Variants in MXD4 observed in about 807,000 individuals in gnomAD.
MXD4 encodes the protein Mad4 homolog.
In MXD4, 16 loss-of-function variants were observed where a neutral mutation model predicts 24.5. The observed-to-expected ratio is 0.65, with a 90% confidence interval of 0.44 to 0.99. The LOEUF is 0.99. Ranked by LOEUF, MXD4 falls within the 50% of genes least tolerant of loss-of-function variation. The pLI is 0.00. For synonymous variants in MXD4, 164 were observed against 134.2 expected (o/e 1.22, Z -1.54); for missense variants, 301 against 301.5 (o/e 1.00, Z 0.01).
chr4:2,260,510 C>T (rs1735518241), intron 2 of MXD4: 4 of 454,836 alleles, frequency 8.8e-6, no homozygotes, highest in South Asian at 4.7e-5. Context: ...GAGTTCTCCA[C>T]GGGTCAGGGA....
Position 2,261,795 on chromosome 4 carries a change from G to C in MXD4, c.94C>G (p.Pro32Ala). The C allele has an allele frequency of 7.0e-7, 1 of 1,425,734 alleles. No homozygotes were observed. Among genetic ancestry groups the C allele is most frequent in the Non-Finnish European group, 9.2e-7 (1 of 1,081,940 alleles). 88.3% of individuals were successfully genotyped at this position (1,425,734 alleles called of 1,614,324 possible). A position where few individuals can be genotyped will look rare whatever the true frequency, so the allele number is the denominator to read the frequency against. Reference sequence around the variant, plus strand: ...TCCCTGGCGAAGTCGCCGTCGAAGGGCAGCACCGAGGCGTAGCCGTGCTCG... The same window carrying C: ...TCCCTGGCGAAGTCGCCGTCGAAGGCCAGCACCGAGGCGTAGCCGTGCTCG... ...EAEHGYASVL[P>A]FDGDFAREKT... The change falls in exon 2 of 6, where the codon CCC becomes GCC. Residue 32 changes from proline to alanine, a missense_variant. Transcript: ENST00000337190.
chr4:2,255,442 G>A (rs147109358), intron 3 of MXD4: 16 of 454,904 alleles, frequency 3.5e-5, no homozygotes, highest in South Asian at 1.1e-4. Context: ...GAGTGTGGGC[G>A]CCAGGGCTGG....
intron 2 of MXD4, among the ~76,000 whole-genome samples, chr4:2,261,247 C>T (rs1424283008): frequency 6.6e-6 from 1 of 152,126 alleles, no homozygotes; most frequent in Non-Finnish European, 1.5e-5. Context: ...GGGAAGGTGG[C>T]CGAGCAGCAG....
At chr4:2,255,258 G>C (rs948868433) in intron 3 of MXD4, 1 of 454,512 alleles carries the variant, frequency 2.2e-6, no homozygotes, top group Non-Finnish European at 4.4e-6. Context: ...AGCAGTGGAG[G>C]ATGTGGCTCA....
intron 4 of MXD4, 58 bp from the exon 5 acceptor site, chr4:2,251,304 G>C: frequency 2.0e-6 from 3 of 1,480,812 alleles, no homozygotes; most frequent in East Asian, 2.4e-5. Flanking sequence ...CCATCCCCCT[G>C]GCCAGGCACT....
In MXD4 at chr4:2,251,097, G is replaced by A. The variant is rs202142366; in HGVS notation, c.459C>T (p.Asp153=). The A allele has an allele frequency of 2.1e-5, 33 of 1,577,116 alleles. No individual in the cohort carries two copies. Among genetic ancestry groups the A allele is most frequent in the African/African-American group, 1.4e-4 (10 of 74,072 alleles). ...TDSTGSAVST[D]DSEQEVDIEG... ...CCCACGCCCCACCTTGCTCTGAGTC[G>A]TCCGTGGAGACAGCAGAGCCCGTGC... Residue 153 remains aspartate (D), a synonymous_variant, in exon 5 of 6, where the codon GAC becomes GAT. Transcript: ENST00000337190.
At chr4:2,260,080 G>C (rs898234939) in intron 2 of MXD4, among the ~76,000 whole-genome samples, 2 of 152,240 alleles carry the variant, frequency 1.3e-5, no homozygotes, top group Admixed American at 6.5e-5. Context: ...CTCCAGGGCA[G>C]TGCTGCCCAC....
intron 3 of MXD4, among the ~76,000 whole-genome samples, chr4:2,255,749 G>A (rs374302368): frequency 1.3e-5 from 2 of 152,182 alleles, no homozygotes; most frequent in East Asian, 1.9e-4. Context: ...GGACTAGCAC[G>A]CTGGGCTGGT....
chr4:2,258,035 G>C, intron 2 of MXD4, 24 bp from the exon 3 acceptor site: 10 of 1,613,454 alleles, frequency 6.2e-6, no homozygotes, highest in Non-Finnish European at 8.5e-6. Flanking sequence ...CAGAAAGACA[G>C]AGCTCACTCT....
chr4:2,258,045 T>G (rs1422855526), intron 2 of MXD4, 34 bp from the exon 3 acceptor site: 1 of 1,613,114 alleles, frequency 6.2e-7, no homozygotes, highest in Non-Finnish European at 8.5e-7. Context: ...GAGCTCACTC[T>G]TCTGCCTGCC....
At chr4:2,252,573 G>A (rs1241526503) in intron 3 of MXD4, 51 bp from the exon 4 acceptor site, 13 of 1,390,968 alleles carry the variant, frequency 9.3e-6, no homozygotes, top group African/African-American at 2.8e-5. Context: ...GAGGGCAGCA[G>A]GCAGTTTCCA....
At chr4:2,252,317 C>T in intron 4 of MXD4, 91 bp downstream of exon 4, 3 of 1,048,238 alleles carry the variant, frequency 2.9e-6, no homozygotes, top group Non-Finnish European at 4.4e-6. Flanking sequence ...GATCCAAGGG[C>T]TGCCCAGGGT....
In MXD4 at chr4:2,250,360, G is replaced by C. The variant is rs568375492; in HGVS notation, c.*184C>G. ...TGCAGGGGACTCTGCCCAGCTGGAA[G>C]GGGCAGGCAGCTCGGCAGGCCCTGA... On this transcript the variant is annotated 3_prime_UTR_variant, in exon 6 of 6. Coordinates refer to ENST00000337190, the MANE Select transcript of MXD4 (RefSeq NM_006454.3). 2.5e-6 allele frequency: 2 copies of C among 797,966 alleles called. No individual in the cohort carries two copies. Among genetic ancestry groups the C allele is most frequent in the South Asian group, 3.8e-5 (2 of 53,226 alleles). 49.4% of individuals were successfully genotyped at this position (797,966 alleles called of 1,614,324 possible).
intron 3 of MXD4, among the ~76,000 whole-genome samples, chr4:2,256,859 G>C (rs1311409023): frequency 6.6e-6 from 1 of 152,068 alleles, no homozygotes; most frequent in Non-Finnish European, 1.5e-5. Flanking sequence ...GTCCTCCCAG[G>C]GACCGCCTCC....
intron 3 of MXD4, among the ~76,000 whole-genome samples, chr4:2,257,681 G>A (rs1415483638): frequency 6.6e-6 from 1 of 152,220 alleles, no homozygotes; most frequent in Non-Finnish European, 1.5e-5. Flanking sequence ...CCACTGTCCT[G>A]AAAGCCAAGG....
At chr4:2,250,940 A>T in intron 5 of MXD4, 144 bp downstream of exon 5, 1 of 1,181,980 alleles carries the variant, frequency 8.5e-7, no homozygotes, top group Non-Finnish European at 1.1e-6. Flanking sequence ...TTCTGCGCTT[A>T]GTGACAAACA....
chr4:2,259,313 CG>C (rs1735492734), intron 2 of MXD4, among the ~76,000 whole-genome samples: 1 of 151,888 alleles, frequency 6.6e-6, no homozygotes, highest in African/African-American at 2.4e-5. Context: ...TCTCAGGGTC[CG>C]GGAGGGCCTG....
At chr4:2,256,916 G>A (rs1237820662) in intron 3 of MXD4, among the ~76,000 whole-genome samples, 1 of 152,178 alleles carries the variant, frequency 6.6e-6, no homozygotes, top group African/African-American at 2.4e-5. Flanking sequence ...CGGCTCCTGG[G>A]TCCTGGTCAA....
rs3811804 is a variant in MXD4 at position 2,248,166 on chromosome 4, G to A, written c.*2378C>T. ...GAGCATGTGGTGACTCCTAGCACGG[G>A]CCCCCACCCAGTGGGCAACCCCTCA... On this transcript the variant is annotated 3_prime_UTR_variant, in exon 6 of 6. Coordinates refer to ENST00000337190, the MANE Select transcript of MXD4 (RefSeq NM_006454.3). 6,168 of 152,544 alleles carry A rather than the reference G, an allele frequency of 0.04. 142 individuals are homozygous for A. Among genetic ancestry groups the A allele is most frequent in the Middle Eastern group, 0.054 (16 of 296 alleles). 9.4% of individuals were successfully genotyped at this position (152,544 alleles called of 1,614,324 possible).
Sources: allele counts gnomAD v4.1 joint callset (sites outside exome capture counted in the v4.1 genomes callset), GRCh38; gene constraint gnomAD v4.1.1; transcripts MANE v1.5; gene names NCBI Gene and HGNC (gene_info 2026-07-23, HGNC 2026-07-21).